RAB3GAP2: variants seen among roughly 807,000 people sequenced by gnomAD.
RAB3GAP2 encodes the protein rab3 GTPase-activating protein non-catalytic subunit.
A neutral mutation model predicts 185.3 loss-of-function variants in RAB3GAP2; 87 were observed. The observed-to-expected ratio is 0.47, with a 90% confidence interval of 0.39 to 0.56. RAB3GAP2 has a LOEUF of 0.56. Ranked by LOEUF, RAB3GAP2 falls within the 20% of genes least tolerant of loss-of-function variation. The pLI is 0.00. For synonymous variants in RAB3GAP2, 554 were observed against 576.1 expected, an observed-to-expected ratio of 0.96 and a Z score of 0.55; for missense variants, 1,492 against 1,638.2, an observed-to-expected ratio of 0.91 and a Z score of 1.54.
At chr1:220,171,825 A>C (rs573724506) in intron 23 of RAB3GAP2, 64 bp downstream of exon 23, 74 of 1,605,068 alleles carry the variant, frequency 4.6e-5, no homozygotes, top group Non-Finnish European at 6.1e-5. Context: ...AACCCCAGAA[A>C]AGGAAAGCAT....
intron 4 of RAB3GAP2, 79 bp from the exon 5 acceptor site, chr1:220,211,081 G>T: frequency 7.3e-7 from 1 of 1,367,628 alleles, no homozygotes; most frequent in Non-Finnish European, 1.0e-6. Context: ...GGATGTTAAA[G>T]GATAATAACT....
chr1:220,162,282 A>G lies in RAB3GAP2; in HGVS notation c.3155-14T>C, dbSNP rs372680828. On this transcript the variant is annotated splice_polypyrimidine_tract_variant and intron_variant, in intron 27 of 34. Transcript: ENST00000358951. ...TCAGTGCAATGCCTAGATAGCAAGTAAAAGTAGTAAATAGAATGCTTATAT... is the reference window on the plus strand; with the variant it reads ...TCAGTGCAATGCCTAGATAGCAAGTGAAAGTAGTAAATAGAATGCTTATAT... The G allele has an allele frequency of 9.7e-6, 15 of 1,546,540 alleles. No homozygotes were observed. The highest frequency in any genetic ancestry group is 1.7e-5 in the Admixed American group (1 of 59,894).
chr1:220,164,687 C>G, intron 27 of RAB3GAP2, 46 bp downstream of exon 27: 1 of 1,575,346 alleles, frequency 6.3e-7, no homozygotes, highest in Non-Finnish European at 8.6e-7. Flanking sequence ...AATCAGGAAG[C>G]CTCTTTTAGA....
chr1:220,163,026 C>T (rs780426791), intron 27 of RAB3GAP2, among the ~76,000 whole-genome samples: 3 of 152,138 alleles, frequency 2.0e-5, no homozygotes, highest in East Asian at 1.9e-4. Flanking sequence ...TGGCTATAGT[C>T]GCACTCGGAG....
chr1:220,170,451 A>C (rs545327987), intron 24 of RAB3GAP2, among the ~76,000 whole-genome samples: 3 of 152,232 alleles, frequency 2.0e-5, no homozygotes, highest in African/African-American at 2.4e-5. Context: ...AATGCAAAAA[A>C]AAAAAGGATA....
rs778516690 is a variant in RAB3GAP2, at chr1:220,195,366, T to C, written c.972A>G (p.Gln324=). The C allele has an allele frequency of 9.9e-6, 16 of 1,612,346 alleles. No individual in the cohort carries two copies. The Admixed American group carries it at 1.8e-4, about 18-fold the overall frequency. The change falls in exon 11 of 35, where the codon CAA becomes CAG. Residue 324 remains glutamine (Q), a synonymous_variant. Coordinates refer to ENST00000358951, the MANE Select transcript of RAB3GAP2 (RefSeq NM_012414.4). ...CTAGTGCAACATGGGATAATAATGG[T>C]TGTGTGCTTCCCTGAAAAACAGAAC... is the stretch of plus-strand genomic sequence containing the variant. The part of the protein sequence containing the change: ...GFFYALEGST[Q]PLLSHVALAV...
chr1:220,190,629 T>C (rs1658597763), intron 14 of RAB3GAP2, 109 bp from the exon 15 acceptor site: 2 of 1,148,802 alleles, frequency 1.7e-6, no homozygotes, highest in East Asian at 2.4e-5. Flanking sequence ...TTTAGGAGCA[T>C]TAATAAGGCA....
At chr1:220,175,915 T>C (rs947075265) in intron 21 of RAB3GAP2, among the ~76,000 whole-genome samples, 1 of 152,212 alleles carries the variant, frequency 6.6e-6, no homozygotes, top group African/African-American at 2.4e-5. Context: ...AGCTTTTGTT[T>C]GTATATAGGA....
intron 9 of RAB3GAP2, among the ~76,000 whole-genome samples, chr1:220,197,314 A>G (rs1002845877): frequency 6.6e-6 from 1 of 151,178 alleles, no homozygotes; most frequent in Admixed American, 6.6e-5. Context: ...GCTGTGCCTG[A>G]CCTTACTAAA....
intron 17 of RAB3GAP2, among the ~76,000 whole-genome samples, chr1:220,188,373 A>C (rs1270528372): frequency 6.6e-6 from 1 of 152,218 alleles, no homozygotes; most frequent in Non-Finnish European, 1.5e-5. Context: ...GATTGAAAGT[A>C]GAGTAGGAGT....
At chr1:220,200,636 G>C (rs374759089) in intron 9 of RAB3GAP2, 2 of 526,622 alleles carry the variant, frequency 3.8e-6, no homozygotes, top group Non-Finnish European at 3.9e-6. Flanking sequence ...TTAATTAACA[G>C]AGCAGGGAAG....
Position 220,214,100 on chromosome 1 carries a change from TAC to T in RAB3GAP2, c.181-123_181-122del. On this transcript the variant is annotated intron_variant, in intron 2 of 34. Coordinates refer to ENST00000358951, the MANE Select transcript of RAB3GAP2 (RefSeq NM_012414.4). ...GAAAAGGAAATATTTCCAATTCTCA[TAC>T]AGTTTCATAATATTCCTTATCAAAA... The T allele has an allele frequency of 3.1e-6, 3 of 962,610 alleles. No homozygotes were observed. In the East Asian group the frequency reaches 7.9e-5, roughly 25 times the overall value. The allele number at this position is 962,610 out of a possible 1,614,324, so 59.6% of individuals were successfully genotyped here. A position where few individuals can be genotyped will look rare whatever the true frequency, so the allele number is the denominator to read the frequency against.
chr1:220,225,658 A>G (rs1159586651), intron 2 of RAB3GAP2, among the ~76,000 whole-genome samples: 2 of 152,086 alleles, frequency 1.3e-5, no homozygotes, highest in Non-Finnish European at 2.9e-5. Flanking sequence ...TAATGTAGAG[A>G]GGAAGATCTT....
chr1:220,190,886 T>A (rs994614375), intron 14 of RAB3GAP2, among the ~76,000 whole-genome samples, 182 bp downstream of exon 14: 1 of 149,740 alleles, frequency 6.7e-6, no homozygotes, highest in East Asian at 1.9e-4. Flanking sequence ...CATTTTTAAT[T>A]TTTTTTTTTT....
chr1:220,168,729 T>C (rs1658119482), intron 24 of RAB3GAP2, among the ~76,000 whole-genome samples: 1 of 152,210 alleles, frequency 6.6e-6, no homozygotes, highest in Non-Finnish European at 1.5e-5. Context: ...AATTTGCCTA[T>C]ATGAAATATT....
At chr1:220,254,340 G>C in intron 1 of RAB3GAP2, 1 of 1,613,530 alleles carries the variant, frequency 6.2e-7, no homozygotes, top group Non-Finnish European at 8.5e-7. Context: ...TGTCCCAGGT[G>C]TATGGAGCGC....
At position 220,195,414 on chromosome 1, in the gene RAB3GAP2, G is replaced by T. The variant is rs769008890; in HGVS notation, c.961-37C>A. 7.3e-6 allele frequency: 11 copies of T among 1,512,176 alleles called. No individual in the cohort carries two copies. In the African/African-American group the frequency reaches 1.2e-4, roughly 17 times the overall value. The allele number at this position is 1,512,176 out of a possible 1,614,324, so 93.7% of individuals were successfully genotyped here. Reference sequence around the variant, plus strand: ...AACATTTGAAAGAGAAAACTTAGTAGCTTACAAAGAAACAAACATACTTTC... The same window carrying T: ...AACATTTGAAAGAGAAAACTTAGTATCTTACAAAGAAACAAACATACTTTC... On this transcript the variant is annotated intron_variant, in intron 10 of 34. Coordinates refer to ENST00000358951, the MANE Select transcript of RAB3GAP2 (RefSeq NM_012414.4).
chr1:220,238,835 G>C (rs1445062340), intron 1 of RAB3GAP2, among the ~76,000 whole-genome samples: 9 of 152,018 alleles, frequency 5.9e-5, no homozygotes, highest in African/African-American at 1.2e-4. Flanking sequence ...TACTGTTTTG[G>C]GTCATTTGCT....
In RAB3GAP2 at chr1:220,171,874, C is replaced by T. The variant is rs999596297; in HGVS notation, c.2577+15G>A. 4 of 1,614,076 alleles carry T rather than the reference C, an allele frequency of 2.5e-6. No homozygotes were observed. Among genetic ancestry groups the T allele is most frequent in the South Asian group, 1.1e-5 (1 of 91,068 alleles). On this transcript the variant is annotated intron_variant, in intron 23 of 34. Coordinates refer to ENST00000358951, the MANE Select transcript of RAB3GAP2 (RefSeq NM_012414.4). Reference sequence around the variant, plus strand: ...TGGATGTGTACAGATCAAAGCCATACCTTTACCCACTTACTTTTTTCTCTG... The same window carrying T: ...TGGATGTGTACAGATCAAAGCCATATCTTTACCCACTTACTTTTTTCTCTG...
Sources: allele counts gnomAD v4.1 joint callset (sites outside exome capture counted in the v4.1 genomes callset), GRCh38; gene constraint gnomAD v4.1.1; transcripts MANE v1.5; gene names NCBI Gene and HGNC (gene_info 2026-07-23, HGNC 2026-07-21).